CEP192: variants seen among roughly 807,000 people sequenced by gnomAD.
The protein encoded by CEP192 is centrosomal protein 192.
CEP192 carries 151 observed loss-of-function variants against 271.8 expected under a neutral mutation model. The observed-to-expected ratio is 0.56, with a 90% CI of 0.49 to 0.64. The LOEUF (loss-of-function observed/expected upper bound fraction) is 0.64. CEP192 is among the 30% of genes least tolerant of loss of function. The pLI, the probability that CEP192 is intolerant of heterozygous loss-of-function variation, is 0.00. For synonymous variants in CEP192, 995 were observed against 1,076.5 expected, an observed-to-expected ratio of 0.92 and a Z score of 1.48; for missense variants, 2,910 against 3,020.5, an observed-to-expected ratio of 0.96 and a Z score of 0.86.
rs1555698196 is a variant in CEP192, at chr18:13,000,091, C to CTCTCTTTTTTTTTTTTTTTTTTTTTTTT, written c.164+504_164+505insCTCTTTTTTTTTTTTTTTTTTTTTTTTT. Among the ~76,000 whole-genome samples, 5 of 76,750 alleles carry CTCTCTTTTTTTTTTTTTTTTTTTTTTTT rather than the reference C, an allele frequency of 6.5e-5. 1 individual carries two copies. The highest frequency in any genetic ancestry group is 1.1e-4 in the Non-Finnish European group (4 of 36,536). The allele number at this position is 76,750 out of a possible 152,430, so 50.4% of individuals were successfully genotyped here. A position where few individuals can be genotyped will look rare whatever the true frequency, so the allele number is the denominator to read the frequency against. ...CTCTGTATAACTCATTGTCTTCTCTCTTTTTTTTTTTTTTTTTTTTTTTTT... is the reference window on the plus strand; with the variant it reads ...CTCTGTATAACTCATTGTCTTCTCTCTCTCTTTTTTTTTTTTTTTTTTTTTTTTTTTTTTTTTTTTTTTTTTTTTTTTT... On this transcript the variant is annotated intron_variant, in intron 2 of 44. Coordinates refer to ENST00000506447, the MANE Select transcript of CEP192 (RefSeq NM_032142.4).
intron 21 of CEP192, among the ~76,000 whole-genome samples, chr18:13,060,212 T>G (rs2037334071): frequency 6.6e-6 from 1 of 152,230 alleles, no homozygotes; most frequent in African/African-American, 2.4e-5. Flanking sequence ...CCATTGTTCC[T>G]AGGCTATGTA....
chr18:13,000,340 A>G (rs1296880829), intron 2 of CEP192: 1 of 152,120 alleles, frequency 6.6e-6, no homozygotes, highest in African/African-American at 2.4e-5. Flanking sequence ...CTCAAAAGAC[A>G]TCTATGAATT....
intron 37 of CEP192, 75 bp from the exon 38 acceptor site, chr18:13,100,230 G>C (rs1229578043): frequency 1.0e-6 from 1 of 988,292 alleles, no homozygotes. Flanking sequence ...TCTCTACCAT[G>C]GTTTAAAAAT....
intron 18 of CEP192, among the ~76,000 whole-genome samples, chr18:13,054,641 T>C (rs1448330986): frequency 6.6e-6 from 1 of 152,238 alleles, no homozygotes; most frequent in Non-Finnish European, 1.5e-5. Context: ...TAAGGAGGAA[T>C]AGTATGTGAG....
At chr18:13,061,831 C>G (rs573317228) in intron 21 of CEP192, among the ~76,000 whole-genome samples, 1 of 152,098 alleles carries the variant, frequency 6.6e-6, no homozygotes, top group Non-Finnish European at 1.5e-5. Context: ...TCAGTAATAC[C>G]CTTTTCCCCA....
intron 30 of CEP192, among the ~76,000 whole-genome samples, chr18:13,080,380 T>G (rs935977106): frequency 2.6e-5 from 4 of 152,226 alleles, no homozygotes; most frequent in African/African-American, 9.7e-5. Context: ...TTCCTAGATA[T>G]TTCATTCTCT....
intron 13 of CEP192, 82 bp downstream of exon 13, chr18:13,038,661 TG>T (rs2036038390): frequency 9.2e-7 from 1 of 1,083,728 alleles, no homozygotes; most frequent in African/African-American, 1.6e-5. Flanking sequence ...GACTTTAAAA[TG>T]GAGATAGAAT....
At position 13,069,077 on chromosome 18, in the gene CEP192, C is replaced by G. The variant is rs1304691840; in HGVS notation, c.4963-12C>G. 2 of 1,613,972 alleles carry G rather than the reference C, an allele frequency of 1.2e-6. No homozygotes were observed. The highest frequency in any genetic ancestry group is 1.3e-5 in the African/African-American group (1 of 75,036). Reference sequence around the variant, plus strand: ...CAGTTCGTTGAAATGTCTGTCTTGCCCCATCCTCCAGACGATGCATTTCTT... The same window carrying G: ...CAGTTCGTTGAAATGTCTGTCTTGCGCCATCCTCCAGACGATGCATTTCTT... On this transcript the variant is annotated splice_polypyrimidine_tract_variant and intron_variant, in intron 25 of 44. Coordinates refer to ENST00000506447, the MANE Select transcript of CEP192 (RefSeq NM_032142.4).
Position 13,040,865 on chromosome 18 carries a change from G to A in CEP192, c.1845G>A (p.Lys615=). Residue 615 remains lysine, a synonymous_variant, in exon 14 of 45, where the codon AAG becomes AAA. Transcript: ENST00000506447. ...SFGYFIRSPE[K]REPIALIRKS... is the part of the protein sequence containing the mutation. ...GCTATTTTATTAGATCACCAGAGAA[G>A]AGAGAACCTATTGCCTTAATAAGAA... The A allele has an allele frequency of 4.4e-6, 7 of 1,602,568 alleles. No homozygotes were observed. The highest frequency in any genetic ancestry group is 6.0e-6 in the Non-Finnish European group (7 of 1,171,698).
chr18:13,056,267 C>T lies in CEP192; in HGVS notation c.3677C>T (p.Thr1226Ile). ...CAGACCACCTCTGAAAACCAGTGTA[C>T]TCCTATTCCCAGCAGCACAGTTCAC... ...SHQTTSENQC[T>I]PIPSSTVHSS... The change falls in exon 19 of 45, where the codon ACT (threonine) becomes ATT (isoleucine). Residue 1226 changes from threonine to isoleucine, a missense_variant. Coordinates refer to ENST00000506447, the MANE Select transcript of CEP192 (RefSeq NM_032142.4). 1 of 1,613,732 alleles carries T rather than the reference C, an allele frequency of 6.2e-7. No individual in the cohort carries two copies. The highest frequency in any genetic ancestry group is 8.5e-7 in the Non-Finnish European group (1 of 1,179,760).
chr18:13,037,147 C>G (rs1453225044), intron 11 of CEP192, 90 bp from the exon 12 acceptor site: 3 of 648,422 alleles, frequency 4.6e-6, no homozygotes, highest in Non-Finnish European at 8.3e-6. Flanking sequence ...ACTTTATTTC[C>G]TTAGTATTTC....
intron 36 of CEP192, among the ~76,000 whole-genome samples, chr18:13,098,326 C>T (rs2039516834): frequency 6.6e-6 from 1 of 151,986 alleles, no homozygotes; most frequent in African/African-American, 2.4e-5. Flanking sequence ...GGGGCTGACC[C>T]CCACCTCCCT....
chr18:13,022,794 G>A (rs1426428152), intron 9 of CEP192, among the ~76,000 whole-genome samples: 2 of 152,162 alleles, frequency 1.3e-5, no homozygotes, highest in Non-Finnish European at 2.9e-5. Flanking sequence ...CATTTTGACA[G>A]TGTTGAGTCT....
intron 1 of CEP192, among the ~76,000 whole-genome samples, chr18:12,998,675 A>T (rs891375102): frequency 2.0e-5 from 3 of 151,718 alleles, no homozygotes; most frequent in African/African-American, 7.3e-5. Context: ...ATATCCTCTC[A>T]TTTTTTTTAG....
chr18:13,037,967 T>G (rs2036001314), intron 12 of CEP192, among the ~76,000 whole-genome samples: 1 of 152,172 alleles, frequency 6.6e-6, no homozygotes, highest in Admixed American at 6.5e-5. Context: ...GATTCAAAAT[T>G]TATGATAGTG....
In CEP192 at chr18:13,015,416, T is replaced by G; in HGVS notation, c.608T>G (p.Leu203Arg). 2 of 1,551,412 alleles carry G rather than the reference T, an allele frequency of 1.3e-6. No homozygotes were observed. The highest frequency in any genetic ancestry group is 1.4e-5 in the African/African-American group (1 of 73,146). ...ACTAGCTTATTAGAAAATGAGAAAC[T>G]TATCTTACCGACAAGCTTGGAAGAT... ...SHTSLLENEK[L>R]ILPTSLEDSS... Residue 203 changes from leucine (L) to arginine (R), a missense_variant, in exon 6 of 45, where the codon CTT (leucine) becomes CGT (arginine). Physicochemically the swap from Leu to Arg is moderately radical, Grantham distance 102. Transcript: ENST00000506447.
chr18:13,030,213 C>G lies in CEP192; in HGVS notation c.1390+211C>G, dbSNP rs149887071. Reference sequence around the variant, plus strand: ...ATCTAGTGAAAATGTACCTTTCTAGCTAACTCTTAGCATTCTTTCTTTATT... The same window carrying G: ...ATCTAGTGAAAATGTACCTTTCTAGGTAACTCTTAGCATTCTTTCTTTATT... On this transcript the variant is annotated intron_variant, in intron 10 of 44. Coordinates refer to ENST00000506447, the MANE Select transcript of CEP192 (RefSeq NM_032142.4). 2.6e-5 allele frequency among the ~76,000 whole-genome samples: 4 copies of G among 152,316 alleles called. No individual in the cohort carries two copies. In the East Asian group the frequency reaches 7.7e-4, roughly 29 times the overall value.
rs150736805 is a variant in CEP192 at position 13,072,964 on chromosome 18, G to T, written c.5440-45G>T. 2.3e-4 allele frequency: 359 copies of T among 1,574,278 alleles called. 3 individuals carry two copies. In the East Asian group the frequency reaches 8.0e-3, roughly 35 times the overall value. On this transcript the variant is annotated intron_variant, in intron 29 of 44. Transcript: ENST00000506447. Reference sequence around the variant, plus strand: ...TCTGTGTTAATGGTATGTTTTATTTGTGCTACTGCTTTGTTTTATGCATTT... The same window carrying T: ...TCTGTGTTAATGGTATGTTTTATTTTTGCTACTGCTTTGTTTTATGCATTT...
At chr18:12,996,286 A>G (rs2033233136) in intron 1 of CEP192, among the ~76,000 whole-genome samples, 1 of 151,806 alleles carries the variant, frequency 6.6e-6, no homozygotes, top group Non-Finnish European at 1.5e-5. Context: ...TTGCATAGGG[A>G]TTGCACGTGA....
Sources: gnomAD v4.1 joint callset for allele counts (sites outside exome capture counted in the v4.1 genomes callset) on GRCh38, gnomAD v4.1.1 for gene constraint, MANE v1.5 for transcripts, NCBI Gene and HGNC (gene_info 2026-07-23, HGNC 2026-07-21) for gene names.